Variants in KCNC2 observed in about 807,000 individuals in gnomAD.
The protein encoded by KCNC2 is voltage-gated potassium channel KCNC2.
Under a neutral mutation model 44.5 loss-of-function variants are expected in KCNC2, and 21 were observed. That is an observed-to-expected ratio of 0.47 (90% CI 0.33 to 0.68). The LOEUF is 0.68. Ranked by LOEUF, KCNC2 falls within the 30% of genes least tolerant of loss-of-function variation. The pLI is 0.01. For synonymous variants in KCNC2, 391 were observed against 339.1 expected, an observed-to-expected ratio of 1.15 and a Z score of -1.68; for missense variants, 589 against 826.2, an observed-to-expected ratio of 0.71 and a Z score of 3.52.
intron 2 of KCNC2, among the ~76,000 whole-genome samples, chr12:75,119,254 A>C (rs1389735224): frequency 1.3e-5 from 2 of 152,194 alleles, no homozygotes; most frequent in Non-Finnish European, 2.9e-5. Flanking sequence ...GGAATATAAC[A>C]AAAACAGCAT....
At chr12:75,168,168 A>G (rs1172447372) in intron 2 of KCNC2, among the ~76,000 whole-genome samples, 2 of 151,406 alleles carry the variant, frequency 1.3e-5, no homozygotes, top group Non-Finnish European at 1.5e-5. Context: ...ATACATTACT[A>G]TGTTAGGCAA....
chr12:75,128,758 T>A (rs1285594302), intron 2 of KCNC2, among the ~76,000 whole-genome samples: 3 of 152,196 alleles, frequency 2.0e-5, no homozygotes. Flanking sequence ...ATAGGAGGGA[T>A]GGAGAAATGC....
chr12:75,170,517 T>C (rs986510221), intron 2 of KCNC2, among the ~76,000 whole-genome samples: 2 of 151,812 alleles, frequency 1.3e-5, no homozygotes, highest in Non-Finnish European at 2.9e-5. Context: ...AATACCTGAA[T>C]GTATTCACTC....
intron 2 of KCNC2, among the ~76,000 whole-genome samples, chr12:75,146,274 C>G (rs1403137247): frequency 6.6e-6 from 1 of 152,144 alleles, no homozygotes. Context: ...GAGATAATCA[C>G]TATCCTATAG....
chr12:75,153,000 G>A (rs549971655), intron 2 of KCNC2, among the ~76,000 whole-genome samples: 156 of 152,098 alleles, frequency 1.0e-3, no homozygotes, highest in Non-Finnish European at 2.0e-3. Flanking sequence ...AAAGCACAAG[G>A]GGAGACAGTG....
chr12:75,050,357 A>G, intron 3 of KCNC2, 33 bp downstream of exon 3: 1 of 1,445,800 alleles, frequency 6.9e-7, no homozygotes, highest in Non-Finnish European at 9.6e-7. Flanking sequence ...TCTATAAAGT[A>G]TTTAATAACA....
intron 2 of KCNC2, among the ~76,000 whole-genome samples, chr12:75,117,722 A>G (rs913272468): frequency 2.0e-5 from 3 of 152,096 alleles, no homozygotes; most frequent in Non-Finnish European, 4.4e-5. Flanking sequence ...TTCTAATAAT[A>G]TATAATAGCA....
intron 2 of KCNC2, among the ~76,000 whole-genome samples, chr12:75,158,860 TAC>T (rs1890932592): frequency 6.6e-6 from 1 of 151,846 alleles, no homozygotes; most frequent in Non-Finnish European, 1.5e-5. Context: ...ATAGAGTCAA[TAC>T]TGAACAAAAT....
At chr12:75,070,578 C>T (rs887537208) in intron 2 of KCNC2, among the ~76,000 whole-genome samples, 1 of 152,018 alleles carries the variant, frequency 6.6e-6, no homozygotes, top group East Asian at 1.9e-4. Flanking sequence ...CTGACACCTG[C>T]ATTGCCATTT....
intron 2 of KCNC2, among the ~76,000 whole-genome samples, chr12:75,148,601 G>T (rs1042084949): frequency 2.6e-5 from 4 of 151,962 alleles, no homozygotes; most frequent in Non-Finnish European, 5.9e-5. Flanking sequence ...ATTAAAAGAA[G>T]ATATATGCTG....
At chr12:75,050,064 A>G in intron 3 of KCNC2, among the ~76,000 whole-genome samples, 1 of 152,086 alleles carries the variant, frequency 6.6e-6, no homozygotes, top group African/African-American at 2.4e-5. Flanking sequence ...GGCCAATATC[A>G]TACCATCACA....
chr12:75,149,134 T>C (rs1262244798), intron 2 of KCNC2, among the ~76,000 whole-genome samples: 2 of 151,932 alleles, frequency 1.3e-5, no homozygotes, highest in Non-Finnish European at 2.9e-5. Context: ...GGCTGAATTT[T>C]GGAAATCTCT....
intron 2 of KCNC2, among the ~76,000 whole-genome samples, chr12:75,149,975 T>C (rs897557961): frequency 6.6e-5 from 10 of 151,800 alleles, no homozygotes; most frequent in African/African-American, 2.4e-4. Flanking sequence ...GGCATGGACA[T>C]TTTAATTTGC....
intron 2 of KCNC2, among the ~76,000 whole-genome samples, chr12:75,113,785 A>G (rs1887436928): frequency 6.6e-6 from 1 of 152,156 alleles, no homozygotes; most frequent in Non-Finnish European, 1.5e-5. Context: ...TCTGAAGTGC[A>G]GTCTTGTCCA....
intron 2 of KCNC2, among the ~76,000 whole-genome samples, chr12:75,136,438 C>T (rs1380545008): frequency 6.6e-6 from 1 of 151,694 alleles, no homozygotes; most frequent in Non-Finnish European, 1.5e-5. Flanking sequence ...ACTAGCTGGA[C>T]TAACCAAGAA....
chr12:75,081,949 A>T (rs763208357), intron 2 of KCNC2, among the ~76,000 whole-genome samples: 1 of 152,020 alleles, frequency 6.6e-6, no homozygotes, highest in East Asian at 1.9e-4. Flanking sequence ...ATTATCTTAT[A>T]GAACTAAAAG....
intron 2 of KCNC2, among the ~76,000 whole-genome samples, chr12:75,093,707 T>C (rs956717866): frequency 2.6e-5 from 4 of 151,652 alleles, no homozygotes; most frequent in African/African-American, 9.7e-5. Context: ...TCACTAATTT[T>C]GCTTCAATTT....
chr12:75,207,151 A>G lies in KCNC2; in HGVS notation c.687+146T>C. The G allele has an allele frequency of 7.2e-7, 1 of 1,398,428 alleles. No homozygotes were observed. The highest frequency in any genetic ancestry group is 9.4e-7 in the Non-Finnish European group (1 of 1,069,382). 86.6% of individuals were successfully genotyped at this position (1,398,428 alleles called of 1,614,324 possible). ...CGGGGTCCCTGGGTTTACCCTGCAA[A>G]GGATGAGCCTCTAACTGTATCGCTA... On this transcript the variant is annotated intron_variant, in intron 2 of 4. Transcript: ENST00000549446. The surrounding 1 kb of genome is among the most constrained non-coding windows in gnomAD (Gnocchi z 4.1).
intron 2 of KCNC2, among the ~76,000 whole-genome samples, chr12:75,067,071 A>G (rs1308380244): frequency 6.6e-6 from 1 of 152,094 alleles, no homozygotes; most frequent in Non-Finnish European, 1.5e-5. Context: ...CCGTGGTGGC[A>G]TGCATCTGTA....
Sources: allele counts gnomAD v4.1 joint callset (sites outside exome capture counted in the v4.1 genomes callset), GRCh38; gene constraint gnomAD v4.1.1; non-coding constraint Gnocchi (gnomAD v3.1); transcripts MANE v1.5; gene names NCBI Gene and HGNC (gene_info 2026-07-23, HGNC 2026-07-21).